Variants in KIF14 observed in about 807,000 individuals in gnomAD.
The protein encoded by KIF14 is kinesin family member 14.
In KIF14, 98 loss-of-function variants were observed where a neutral mutation model predicts 176.2. The ratio of observed to expected loss-of-function variants is 0.56; its 90% confidence interval spans 0.47 to 0.66. KIF14 has a LOEUF of 0.66. KIF14 is among the 30% of genes least tolerant of loss of function. KIF14 has a pLI of 0.00. For synonymous variants in KIF14, 566 were observed against 632.2 expected (o/e 0.90, Z 1.57); for missense variants, 1,751 against 1,920.4 (o/e 0.91, Z 1.65).
intron 22 of KIF14, among the ~76,000 whole-genome samples, chr1:200,575,317 A>C (rs953170159): frequency 1.5e-4 from 23 of 152,054 alleles, no homozygotes; most frequent in Non-Finnish European, 5.9e-5. Flanking sequence ...AATTTATGCT[A>C]CTCTAAGTTG....
At position 200,569,975 on chromosome 1, in the gene KIF14, A is replaced by C. The variant is rs772926048; in HGVS notation, c.3597T>G (p.Ile1199Met). Residue 1199 changes from isoleucine to methionine, a missense_variant, in exon 23 of 30, where the codon ATT becomes ATG. Transcript: ENST00000367350. The stretch of plus-strand genomic sequence containing the variant: ...CTTGTATGTCATGTAAACAACCAGA[A>C]ATTCTTCTGTTCTTCATCAAACTCC... Reference protein sequence around the residue: ...RSRSLMKNRRISGCLHDIQVH... With the variant: ...RSRSLMKNRRMSGCLHDIQVH... 2 of 1,603,540 alleles carry C rather than the reference A, an allele frequency of 1.2e-6. No homozygotes were observed. The highest frequency in any genetic ancestry group is 2.2e-5 in the South Asian group (2 of 89,758).
chr1:200,568,548 T>C (rs1401082778), intron 23 of KIF14, among the ~76,000 whole-genome samples: 1 of 152,228 alleles, frequency 6.6e-6, no homozygotes, highest in African/African-American at 2.4e-5. Context: ...TTACTAAGTA[T>C]AATATGTGTA....
chr1:200,553,748 A>G lies in KIF14; in HGVS notation c.4587T>C (p.Asn1529=). The G allele has an allele frequency of 6.2e-7, 1 of 1,603,042 alleles. No homozygotes were observed. The highest frequency in any genetic ancestry group is 8.5e-7 in the Non-Finnish European group (1 of 1,172,246). Residue 1529 remains asparagine, a synonymous_variant, in exon 30 of 30, where the codon AAT becomes AAC. Transcript: ENST00000367350. ...TACTTTCAACACAAGTCTGGAGAAGATTTATATCACTATGGCATCCTATAT... is the reference window on the plus strand; with the variant it reads ...TACTTTCAACACAAGTCTGGAGAAGGTTTATATCACTATGGCATCCTATAT... ...SALKGCHSDI[N]LLQTCVESIR...
intron 18 of KIF14, among the ~76,000 whole-genome samples, chr1:200,587,601 T>A (rs1658822350): frequency 6.6e-6 from 1 of 152,002 alleles, no homozygotes; most frequent in South Asian, 2.1e-4. Context: ...AATCATGAGG[T>A]CAAGAGTTCA....
At chr1:200,583,947 A>AC (rs983665128) in intron 19 of KIF14, among the ~76,000 whole-genome samples, 2 of 151,894 alleles carry the variant, frequency 1.3e-5, no homozygotes, top group Admixed American at 6.6e-5. Flanking sequence ...CTTTAAAAAA[A>AC]AAAAAAATAG....
intron 21 of KIF14, 63 bp downstream of exon 21, chr1:200,580,187 CAGGT>C (rs1190782425): frequency 3.8e-6 from 3 of 799,884 alleles, no homozygotes; most frequent in Non-Finnish European, 5.2e-6. Flanking sequence ...TCACCAAAAG[CAGGT>C]ACTTGAACTT....
intron 26 of KIF14, 45 bp downstream of exon 26, chr1:200,560,677 T>C: frequency 1.3e-6 from 2 of 1,595,640 alleles, no homozygotes; most frequent in South Asian, 1.1e-5. Flanking sequence ...AAAAGTCTAA[T>C]GTTCCCTCAG....
chr1:200,589,842 C>G (rs1439837456), intron 17 of KIF14, among the ~76,000 whole-genome samples: 1 of 151,700 alleles, frequency 6.6e-6, no homozygotes, highest in Non-Finnish European at 1.5e-5. Flanking sequence ...TTGGAGAGAC[C>G]GGTTTCCCTA....
chr1:200,615,262 T>C, intron 3 of KIF14, 93 bp downstream of exon 3: 1 of 1,315,234 alleles, frequency 7.6e-7, no homozygotes, highest in Admixed American at 2.3e-5. Flanking sequence ...TCTGTGTGAT[T>C]TCAAAACTAT....
chr1:200,561,026 T>C (rs1657114900), intron 25 of KIF14, 146 bp from the exon 26 acceptor site: 2 of 655,964 alleles, frequency 3.0e-6, no homozygotes, highest in East Asian at 5.4e-5. Flanking sequence ...AGGTCAGGAG[T>C]TCAAGATCAG....
chr1:200,618,073 A>G lies in KIF14; in HGVS notation c.651T>C (p.Asn217=). The G allele has an allele frequency of 6.2e-7, 1 of 1,614,150 alleles. No individual in the cohort carries two copies. Among genetic ancestry groups the G allele is most frequent in the South Asian group, 1.1e-5 (1 of 91,076 alleles). ...GACTCAGGGAAGCAATGGGTGGTCT[A>G]TTACTTGAGTACTTAAGTGCAACAT... The part of the protein sequence containing the change: ...NENVALKYSS[N]RPPIASLSQT... Residue 217 remains asparagine, a synonymous_variant, in exon 2 of 30, where the codon AAT becomes AAC. Transcript: ENST00000367350.
At chr1:200,613,517 C>A (rs1660259540) in intron 4 of KIF14, among the ~76,000 whole-genome samples, 1 of 152,176 alleles carries the variant, frequency 6.6e-6, no homozygotes, top group Non-Finnish European at 1.5e-5. Flanking sequence ...TCCCACTACA[C>A]TCCTTTGAAT....
chr1:200,599,371 T>C (rs936315423), intron 13 of KIF14, among the ~76,000 whole-genome samples: 14 of 152,240 alleles, frequency 9.2e-5, no homozygotes, highest in Non-Finnish European at 1.9e-4. Flanking sequence ...CTTTTCTACC[T>C]TTACTTTCAG....
chr1:200,598,699 C>T (rs1659486441), intron 13 of KIF14, among the ~76,000 whole-genome samples: 1 of 152,138 alleles, frequency 6.6e-6, no homozygotes, highest in Non-Finnish European at 1.5e-5. Context: ...GCTGAGACTA[C>T]AGGCGCATGC....
chr1:200,597,602 G>A (rs552399620), intron 14 of KIF14, among the ~76,000 whole-genome samples: 2 of 152,238 alleles, frequency 1.3e-5, no homozygotes, highest in South Asian at 4.1e-4. Context: ...AAGGCCAATG[G>A]GAGTAAAAAT....
At chr1:200,573,533 T>G (rs1395680885) in intron 22 of KIF14, among the ~76,000 whole-genome samples, 1 of 148,042 alleles carries the variant, frequency 6.8e-6, no homozygotes, top group African/African-American at 2.5e-5. Context: ...GCCTCCCGGG[T>G]TCACGCCATT....
intron 24 of KIF14, 84 bp downstream of exon 24, chr1:200,565,361 G>A: frequency 7.1e-7 from 1 of 1,404,652 alleles, no homozygotes; most frequent in Non-Finnish European, 9.7e-7. Flanking sequence ...CATGCCAGAT[G>A]TGCCAAATAA....
At chr1:200,560,659 C>T in intron 26 of KIF14, 63 bp downstream of exon 26, 4 of 1,524,656 alleles carry the variant, frequency 2.6e-6, no homozygotes, top group Non-Finnish European at 2.7e-6. Flanking sequence ...TAGTACTGTA[C>T]TATTATCAAA....
chr1:200,588,245 TTTG>T (rs752304108), intron 18 of KIF14, among the ~76,000 whole-genome samples: 2,742 of 111,722 alleles, frequency 0.025, 69 homozygotes, highest in African/African-American at 0.12. Flanking sequence ...GTTTGTTTGT[TTTG>T]TTTTTTTTTT....
Sources: gnomAD v4.1 joint callset for allele counts (sites outside exome capture counted in the v4.1 genomes callset) on GRCh38, gnomAD v4.1.1 for gene constraint, MANE v1.5 for transcripts, NCBI Gene and HGNC (gene_info 2026-07-23, HGNC 2026-07-21) for gene names.